The following AMN1 variants were observed in gnomAD, a reference collection of about 807,000 sequenced individuals.
The protein encoded by AMN1 is antagonist of mitotic exit network 1 homolog.
Under a neutral mutation model 33.0 loss-of-function variants are expected in AMN1, and 20 were observed. The ratio of observed to expected loss-of-function variants is 0.61; its 90% CI spans 0.43 to 0.88. The LOEUF (loss-of-function observed/expected upper bound fraction) is 0.88, where lower values mean the gene tolerates loss of function less well. Among genes scored for constraint, AMN1 ranks in the 40% least tolerant of loss-of-function variants. The pLI, the probability that AMN1 is intolerant of heterozygous loss-of-function variation, is 0.00. For missense variants in AMN1, 246 were observed against 307.4 expected, an observed-to-expected ratio of 0.80 and a Z score of 1.49; for synonymous variants, 114 against 111.9, an observed-to-expected ratio of 1.02 and a Z score of -0.12.
At chr12:31,702,116 T>C in intron 2 of AMN1, 109 bp from the exon 3 acceptor site, 2 of 980,262 alleles carry the variant, frequency 2.0e-6, no homozygotes, top group South Asian at 3.3e-5. Flanking sequence ...TGATGTAAAA[T>C]ACAGCAAAGA....
In AMN1 at chr12:31,672,040, A is replaced by C. The variant is rs534813222; in HGVS notation, c.*264T>G. 1 of 340,484 alleles carries C rather than the reference A, an allele frequency of 2.9e-6. No individual in the cohort carries two copies. Among genetic ancestry groups the C allele is most frequent in the African/African-American group, 2.1e-5 (1 of 47,630 alleles). The allele number at this position is 340,484 out of a possible 1,614,324, so 21.1% of individuals were successfully genotyped here. ...TAAGAAACAGAATCCAACACCATAG[A>C]TCAGAGTTCATGCTAGGATTATCAT... On this transcript the variant is annotated 3_prime_UTR_variant, in exon 7 of 7. Transcript: ENST00000281471.
At chr12:31,686,956 G>A (rs1938291095) in intron 6 of AMN1, among the ~76,000 whole-genome samples, 1 of 152,028 alleles carries the variant, frequency 6.6e-6, no homozygotes, top group East Asian at 1.9e-4. Context: ...TCCTACTCTT[G>A]TTCCTTCACA....
intron 6 of AMN1, among the ~76,000 whole-genome samples, chr12:31,682,918 A>G (rs1182058492): frequency 6.6e-6 from 1 of 151,868 alleles, no homozygotes; most frequent in Non-Finnish European, 1.5e-5. Flanking sequence ...TACTTCTGGC[A>G]GCCACACAAA....
At chr12:31,677,596 T>C (rs1231679256) in intron 6 of AMN1, among the ~76,000 whole-genome samples, 2 of 152,172 alleles carry the variant, frequency 1.3e-5, no homozygotes, top group African/African-American at 2.4e-5. Flanking sequence ...ATAGATGACC[T>C]TGTTGGGGCT....
rs544656633 is a variant in AMN1, at chr12:31,687,943, A to G, written c.703+1064T>C. 6.6e-6 allele frequency among the ~76,000 whole-genome samples: 1 copy of G among 152,108 alleles called. No individual in the cohort carries two copies. Among genetic ancestry groups the G allele is most frequent in the South Asian group, 2.1e-4 (1 of 4,814 alleles). ...AGAGCCACATTAGCCTAAGAGTCCA[A>G]ATTTTTCTGACTTTTTGTTTGTTTG... On this transcript the variant is annotated intron_variant, in intron 6 of 6. Transcript: ENST00000281471. The surrounding 1 kb of genome is among the most constrained non-coding windows in gnomAD (Gnocchi z 4.1).
intron 4 of AMN1, 44 bp downstream of exon 4, chr12:31,697,696 G>C (rs746693846): frequency 3.9e-6 from 6 of 1,556,024 alleles, no homozygotes; most frequent in Admixed American, 1.7e-5. Flanking sequence ...AAATACATTT[G>C]GTAAACACAT....
intron 1 of AMN1, among the ~76,000 whole-genome samples, chr12:31,718,569 T>A (rs938989270): frequency 6.6e-6 from 1 of 152,214 alleles, no homozygotes; most frequent in Non-Finnish European, 1.5e-5. Context: ...TGGTCTTTGA[T>A]GTTGGTGACC....
At chr12:31,721,196 T>A (rs1160598916) in intron 1 of AMN1, among the ~76,000 whole-genome samples, 2 of 152,164 alleles carry the variant, frequency 1.3e-5, no homozygotes, top group Non-Finnish European at 2.9e-5. Flanking sequence ...GGCATATGGG[T>A]GGCCGAAATT....
intron 6 of AMN1, among the ~76,000 whole-genome samples, chr12:31,680,772 T>G (rs1475599388): frequency 6.6e-6 from 1 of 152,182 alleles, no homozygotes; most frequent in Non-Finnish European, 1.5e-5. Flanking sequence ...CACATGCATA[T>G]GCAAGTATAG....
intron 5 of AMN1, among the ~76,000 whole-genome samples, chr12:31,692,469 G>GA (rs531404306): frequency 6.8e-6 from 1 of 147,504 alleles, no homozygotes; most frequent in Non-Finnish European, 1.5e-5. Flanking sequence ...AAAAACAAAC[G>GA]AAAAAAAACA....
chr12:31,680,097 G>T (rs1248668385), intron 6 of AMN1, among the ~76,000 whole-genome samples: 1 of 111,052 alleles, frequency 9.0e-6, no homozygotes, highest in Non-Finnish European at 2.0e-5. Flanking sequence ...CACTCCAGGC[G>T]GCAACAAAGA....
At chr12:31,728,343 C>A (rs1732371638) in intron 1 of AMN1, among the ~76,000 whole-genome samples, 1 of 152,148 alleles carries the variant, frequency 6.6e-6, no homozygotes, top group Admixed American at 6.6e-5. Context: ...ATTTGCTGGG[C>A]ATCCTTATAA....
chr12:31,681,383 C>G (rs1280000773), intron 6 of AMN1, among the ~76,000 whole-genome samples: 2 of 152,114 alleles, frequency 1.3e-5, no homozygotes, highest in Non-Finnish European at 2.9e-5. Flanking sequence ...CATACATCAT[C>G]ATGCCTGGCT....
chr12:31,718,485 T>A (rs533354384), intron 1 of AMN1, among the ~76,000 whole-genome samples: 4 of 152,132 alleles, frequency 2.6e-5, no homozygotes, highest in African/African-American at 9.7e-5. Context: ...CTCTGGAGAA[T>A]AGGCATTCTG....
At chr12:31,686,751 G>A (rs565644810) in intron 6 of AMN1, among the ~76,000 whole-genome samples, 2 of 152,292 alleles carry the variant, frequency 1.3e-5, no homozygotes, top group African/African-American at 4.8e-5. Context: ...GGTTCTTGAA[G>A]TATGGCTTCT....
At chr12:31,720,556 A>AG (rs201551714) in intron 1 of AMN1, among the ~76,000 whole-genome samples, 6 of 151,746 alleles carry the variant, frequency 4.0e-5, no homozygotes, top group Non-Finnish European at 5.9e-5. Context: ...AAAAAAAAAA[A>AG]GTCAATCCCC....
At chr12:31,722,324 T>C (rs1274036768) in intron 1 of AMN1, among the ~76,000 whole-genome samples, 5 of 152,340 alleles carry the variant, frequency 3.3e-5, no homozygotes, top group East Asian at 1.9e-4. Context: ...GACAATGATA[T>C]GTCTTTTACT....
chr12:31,681,532 T>G (rs1211769664), intron 6 of AMN1, among the ~76,000 whole-genome samples: 2 of 151,580 alleles, frequency 1.3e-5, no homozygotes, highest in Non-Finnish European at 2.9e-5. Context: ...CCCGGCCTCT[T>G]GCATTATTAT....
chr12:31,682,449 T>C (rs74651856), intron 6 of AMN1, among the ~76,000 whole-genome samples: 4,081 of 143,520 alleles, frequency 0.028, 328 homozygotes, highest in East Asian at 0.28. Flanking sequence ...GGTAAGAGAA[T>C]TCCTGGAGGA....
Sources: gnomAD v4.1 joint callset for allele counts (sites outside exome capture counted in the v4.1 genomes callset) on GRCh38, gnomAD v4.1.1 for gene constraint, Gnocchi (gnomAD v3.1) non-coding constraint, MANE v1.5 for transcripts, NCBI Gene and HGNC (gene_info 2026-07-23, HGNC 2026-07-21) for gene names.